ZNF407: variants seen among roughly 807,000 people sequenced by gnomAD.
The protein encoded by ZNF407 is zinc finger protein 407.
A neutral mutation model predicts 131.2 loss-of-function variants in ZNF407; 17 were observed. The observed-to-expected ratio is 0.13, with a 90% CI of 0.09 to 0.19. The LOEUF (loss-of-function observed/expected upper bound fraction) is 0.19, where lower values mean the gene tolerates loss of function less well. Ranked by LOEUF, ZNF407 falls within the 10% of genes least tolerant of loss-of-function variation. The pLI is 1.00. For missense variants in ZNF407, 2,681 were observed against 2,830.6 expected (o/e 0.95, Z 1.20); for synonymous variants, 1,156 against 1,062.0 (o/e 1.09, Z -1.72).
chr18:74,611,980 G>A (rs1983078644), intron 1 of ZNF407, among the ~76,000 whole-genome samples: 1 of 152,162 alleles, frequency 6.6e-6, no homozygotes, highest in Admixed American at 6.5e-5. Flanking sequence ...AGGAAAGACT[G>A]GGAGCAATGT....
At chr18:74,637,468 G>T (rs1425937010) in intron 2 of ZNF407, among the ~76,000 whole-genome samples, 1 of 151,628 alleles carries the variant, frequency 6.6e-6, no homozygotes, top group Non-Finnish European at 1.5e-5. Context: ...TTACATCATT[G>T]ATTGTAACAT....
chr18:74,649,567 AT>A (rs1985133516), intron 3 of ZNF407, among the ~76,000 whole-genome samples: 1 of 152,216 alleles, frequency 6.6e-6, no homozygotes, highest in Admixed American at 6.5e-5. Flanking sequence ...ACTAAAATTT[AT>A]TTTAAAAATA....
chr18:74,930,322 C>T (rs1971967895), intron 8 of ZNF407, among the ~76,000 whole-genome samples: 2 of 152,210 alleles, frequency 1.3e-5, no homozygotes, highest in South Asian at 4.1e-4. Context: ...CACCTGGTGA[C>T]TGAGGACGTC....
At chr18:74,837,682 C>T (rs937148542) in intron 4 of ZNF407, among the ~76,000 whole-genome samples, 2 of 151,862 alleles carry the variant, frequency 1.3e-5, no homozygotes, top group African/African-American at 2.4e-5. Context: ...GAGACAGGAT[C>T]TCACTGTGTC....
chr18:74,630,062 G>C (rs181344396), intron 1 of ZNF407, among the ~76,000 whole-genome samples: 2 of 151,894 alleles, frequency 1.3e-5, no homozygotes, highest in African/African-American at 4.8e-5. Context: ...GCTTGAGCAC[G>C]AATGGTGATA....
chr18:74,801,767 A>G (rs1333200351), intron 4 of ZNF407, among the ~76,000 whole-genome samples: 2 of 152,104 alleles, frequency 1.3e-5, no homozygotes, highest in Middle Eastern at 3.2e-3. Flanking sequence ...GTGTCAGTGG[A>G]CACCTATAAC....
At chr18:74,864,604 AT>A (rs1336927694) in intron 4 of ZNF407, among the ~76,000 whole-genome samples, 1 of 152,188 alleles carries the variant, frequency 6.6e-6, no homozygotes, top group Non-Finnish European at 1.5e-5. Context: ...TTAATCCATA[AT>A]TTTTATGACC....
chr18:74,858,778 C>A (rs1466170215), intron 4 of ZNF407, among the ~76,000 whole-genome samples: 1 of 151,912 alleles, frequency 6.6e-6, no homozygotes, highest in Non-Finnish European at 1.5e-5. Flanking sequence ...TAATATATGA[C>A]CAATAATGTT....
chr18:74,667,046 T>G (rs1301647007), intron 3 of ZNF407, among the ~76,000 whole-genome samples: 1 of 152,220 alleles, frequency 6.6e-6, no homozygotes, highest in Non-Finnish European at 1.5e-5. Context: ...TCTTTCCTAC[T>G]TTCTCTACTT....
chr18:75,028,647 G>A (rs540957087), intron 8 of ZNF407, among the ~76,000 whole-genome samples: 6 of 152,156 alleles, frequency 3.9e-5, no homozygotes, highest in East Asian at 3.9e-4. Flanking sequence ...GTCAATGTGC[G>A]GGAATTCCGC....
At chr18:74,783,433 C>T (rs1247094743) in intron 4 of ZNF407, among the ~76,000 whole-genome samples, 1 of 151,904 alleles carries the variant, frequency 6.6e-6, no homozygotes, top group Non-Finnish European at 1.5e-5. Context: ...CATATTGTTT[C>T]ACAGGGAAAA....
At chr18:74,825,170 G>T (rs1970393071) in intron 4 of ZNF407, among the ~76,000 whole-genome samples, 1 of 152,130 alleles carries the variant, frequency 6.6e-6, no homozygotes, top group Admixed American at 6.5e-5. Flanking sequence ...ACCCTTTCAT[G>T]CTAAAAACTC....
intron 3 of ZNF407, among the ~76,000 whole-genome samples, chr18:74,742,411 G>A (rs916794161): frequency 7.9e-5 from 12 of 152,102 alleles, no homozygotes; most frequent in African/African-American, 2.9e-4. Flanking sequence ...AACTTAATGA[G>A]GTTAAGACAC....
chr18:74,999,371 A>C (rs1340302882), intron 8 of ZNF407, among the ~76,000 whole-genome samples: 2 of 149,154 alleles, frequency 1.3e-5, no homozygotes, highest in African/African-American at 2.5e-5. Flanking sequence ...AAAAAAAAAA[A>C]AAAACAAAGG....
intron 4 of ZNF407, among the ~76,000 whole-genome samples, chr18:74,866,188 G>A (rs1234319754): frequency 6.6e-6 from 1 of 152,166 alleles, no homozygotes; most frequent in African/African-American, 2.4e-5. Context: ...TGTTGAATTG[G>A]TCTACTGCAC....
At chr18:74,914,161 G>C (rs1010813619) in intron 7 of ZNF407, among the ~76,000 whole-genome samples, 1 of 152,184 alleles carries the variant, frequency 6.6e-6, no homozygotes, top group Non-Finnish European at 1.5e-5. Context: ...TGTGAAGCTT[G>C]GCGCTGGGGA....
At chr18:75,028,063 A>G (rs1182919180) in intron 8 of ZNF407, among the ~76,000 whole-genome samples, 2 of 152,170 alleles carry the variant, frequency 1.3e-5, no homozygotes, top group African/African-American at 2.4e-5. Context: ...GAAGATTCCA[A>G]TTTTGAGTAT....
intron 3 of ZNF407, among the ~76,000 whole-genome samples, chr18:74,749,671 G>A (rs562434166): frequency 6.6e-6 from 1 of 152,208 alleles, no homozygotes; most frequent in African/African-American, 2.4e-5. Context: ...ATTGGCTCCC[G>A]AATCATTCTA....
At chr18:74,978,809 T>C (rs976383836) in intron 8 of ZNF407, among the ~76,000 whole-genome samples, 1 of 152,030 alleles carries the variant, frequency 6.6e-6, no homozygotes, top group African/African-American at 2.4e-5. Flanking sequence ...ATGGAGGTGG[T>C]CATTGAAGTG....
Sources: allele counts gnomAD v4.1 joint callset (sites outside exome capture counted in the v4.1 genomes callset), GRCh38; gene constraint gnomAD v4.1.1; transcripts MANE v1.5; gene names NCBI Gene and HGNC (gene_info 2026-07-23, HGNC 2026-07-21).